SCARB1: variants seen among roughly 807,000 people sequenced by gnomAD.
SCARB1 encodes scavenger receptor class B member 1.
In SCARB1, 30 loss-of-function variants were observed where a neutral mutation model predicts 57.2. That is an observed-to-expected ratio of 0.52 (90% CI 0.39 to 0.71). The LOEUF (loss-of-function observed/expected upper bound fraction) is 0.71, where lower values mean the gene tolerates loss of function less well. Among genes scored for constraint, SCARB1 ranks in the 30% least tolerant of loss-of-function variants. The pLI is 0.00. For synonymous variants in SCARB1, 249 were observed against 268.3 expected (o/e 0.93, Z 0.70); for missense variants, 543 against 671.2 (o/e 0.81, Z 2.11).
In SCARB1 at chr12:124,786,363, C is replaced by G. The variant is rs760906735; in HGVS notation, c.1395G>C (p.Arg465=). The G allele has an allele frequency of 1.9e-6, 3 of 1,613,930 alleles. No homozygotes were observed. Among genetic ancestry groups the G allele is most frequent in the Admixed American group, 1.7e-5 (1 of 60,026 alleles). Residue 465 remains arginine (R), a synonymous_variant, in exon 11 of 13, where the codon CGG becomes CGC. Transcript: ENST00000261693. ...CCCTCTGGCCAGCACCTACTTGGCT[C>G]CGGATTTGGCAGATGACAGGGACCA... ...LLLVPVICQI[R]SQEKCYLFWS... is the part of the protein sequence containing the mutation.
At chr12:124,845,562 G>T (rs1253856923) in intron 1 of SCARB1, among the ~76,000 whole-genome samples, 2 of 145,516 alleles carry the variant, frequency 1.4e-5, no homozygotes, top group Non-Finnish European at 3.0e-5. Flanking sequence ...AAAATTAGCC[G>T]GGCGTGGTGG....
intron 12 of SCARB1, among the ~76,000 whole-genome samples, chr12:124,780,864 T>TGACCAGCCCCC (rs1163734617): frequency 9.9e-5 from 15 of 152,072 alleles, no homozygotes; most frequent in Admixed American, 3.3e-4. Flanking sequence ...GACCAGCCCC[T>TGACCAGCCCCC]GACCAGCCCC....
intron 1 of SCARB1, among the ~76,000 whole-genome samples, chr12:124,853,767 A>C (rs1026618438): frequency 5.9e-5 from 9 of 152,136 alleles, no homozygotes; most frequent in African/African-American, 2.2e-4. Context: ...AAATCAGCAG[A>C]GCAAACAGCC....
intron 1 of SCARB1, among the ~76,000 whole-genome samples, chr12:124,859,074 G>T (rs1225421136): frequency 6.6e-6 from 1 of 151,848 alleles, no homozygotes; most frequent in Non-Finnish European, 1.5e-5. Flanking sequence ...GTAGAGATGG[G>T]GGTCTCACTA....
Position 124,800,545 on chromosome 12 carries a change from G to A in SCARB1, c.1010-303C>T, listed in dbSNP as rs1950093227. Among the ~76,000 whole-genome samples, 1 of 152,246 alleles carries A rather than the reference G, an allele frequency of 6.6e-6. No homozygotes were observed. Among genetic ancestry groups the A allele is most frequent in the Non-Finnish European group, 1.5e-5 (1 of 68,044 alleles). On this transcript the variant is annotated intron_variant, in intron 7 of 12. Transcript: ENST00000261693. The surrounding 1 kb of genome is among the most constrained non-coding windows in gnomAD (Gnocchi z 4.8). ...ATGCCCGGGAAGCGCATTCCAGGTGGAAGGGAAGGCAGAAGCAAGCGTGGG... is the reference window on the plus strand; with the variant it reads ...ATGCCCGGGAAGCGCATTCCAGGTGAAAGGGAAGGCAGAAGCAAGCGTGGG...
intron 1 of SCARB1, among the ~76,000 whole-genome samples, chr12:124,852,085 C>T (rs1952429747): frequency 6.6e-6 from 1 of 152,100 alleles, no homozygotes; most frequent in South Asian, 2.1e-4. Flanking sequence ...CAGGAGGTGG[C>T]CCCAGAAACA....
Position 124,812,536 on chromosome 12 carries a change from G to A in SCARB1, c.631-571C>T, listed in dbSNP as rs1350913186. 6.6e-6 allele frequency among the ~76,000 whole-genome samples: 1 copy of A among 152,176 alleles called. No homozygotes were observed. The highest frequency in any genetic ancestry group is 1.5e-5 in the Non-Finnish European group (1 of 68,038). On this transcript the variant is annotated intron_variant, in intron 4 of 12. Transcript: ENST00000261693. This position sits in a 1 kb window ranked among gnomAD's most constrained non-coding sequence, Gnocchi z 4.3. ...TTGTTCTAAGCCATGGAGATTCCGG[G>A]GCTGCTTGTCACAGCAGCAAAACCT...
At position 124,810,388 on chromosome 12, in the gene SCARB1, G is replaced by A. The variant is rs562516406; in HGVS notation, c.727-99C>T. 4.9e-5 allele frequency: 40 copies of A among 816,968 alleles called. No individual in the cohort carries two copies. The highest frequency in any genetic ancestry group is 7.6e-5 in the East Asian group (3 of 39,616). The allele number at this position is 816,968 out of a possible 1,614,324, so 50.6% of individuals were successfully genotyped here. On this transcript the variant is annotated intron_variant, in intron 5 of 12. Coordinates refer to ENST00000261693, the MANE Select transcript of SCARB1 (RefSeq NM_005505.5). The surrounding 1 kb of genome is among the most constrained non-coding windows in gnomAD (Gnocchi z 4.0). ...ACCTAACTCACCCTGGTGCACGCAC[G>A]GCCACTCAATTCCCAATACTGGCAC...
Position 124,863,592 on chromosome 12 carries a change from C to CACCTTAAGG in SCARB1, c.120_126+2dup. On this transcript the variant is annotated splice_region_variant and intron_variant, in intron 1 of 12. Coordinates refer to ENST00000261693, the MANE Select transcript of SCARB1 (RefSeq NM_005505.5). ...CGGACCCCCTGGGGTCTCCCTCACC[C>CACCTTAAGG]ACCTTAAGGACCTGCTGCTTGATGA... 6.2e-7 allele frequency: 1 copy of CACCTTAAGG among 1,602,836 alleles called. No individual in the cohort carries two copies. Among genetic ancestry groups the CACCTTAAGG allele is most frequent in the Non-Finnish European group, 8.5e-7 (1 of 1,174,816 alleles).
intron 9 of SCARB1, among the ~76,000 whole-genome samples, chr12:124,792,590 C>T (rs1457603560): frequency 2.0e-5 from 3 of 151,812 alleles, no homozygotes; most frequent in South Asian, 2.1e-4. Context: ...GGTGTACTAG[C>T]GAGCGCCTGT....
At chr12:124,837,910 A>G (rs1594352449) in intron 1 of SCARB1, among the ~76,000 whole-genome samples, 1 of 152,230 alleles carries the variant, frequency 6.6e-6, no homozygotes, top group Admixed American at 6.5e-5. Context: ...TCCAAAAAAT[A>G]TGTTAAAAAT....
intron 11 of SCARB1, chr12:124,786,013 T>G (rs1316515227): frequency 2.0e-6 from 3 of 1,464,026 alleles, no homozygotes; most frequent in African/African-American, 2.8e-5. Context: ...TCTACTGCTG[T>G]ACGTCCCCTC....
rs1282406273 is a variant in SCARB1 at position 124,807,182 on chromosome 12, CA to C, written c.1009+578del. Among the ~76,000 whole-genome samples, 5 of 152,102 alleles carry C rather than the reference CA, an allele frequency of 3.3e-5. No individual in the cohort carries two copies. The highest frequency in any genetic ancestry group is 1.2e-4 in the African/African-American group (5 of 41,404). ...CGCCACTGCACTCCAACCTGGGTAACAGAGTGAGAGTCTGTCTCAAAAAAAA... is the reference window on the plus strand; with the variant it reads ...CGCCACTGCACTCCAACCTGGGTAACGAGTGAGAGTCTGTCTCAAAAAAAA... On this transcript the variant is annotated intron_variant, in intron 7 of 12. Coordinates refer to ENST00000261693, the MANE Select transcript of SCARB1 (RefSeq NM_005505.5). The surrounding 1 kb of genome is among the most constrained non-coding windows in gnomAD (Gnocchi z 5.3).
intron 1 of SCARB1, among the ~76,000 whole-genome samples, chr12:124,851,579 T>G (rs78354477): frequency 6.6e-6 from 1 of 151,304 alleles, no homozygotes; most frequent in Non-Finnish European, 1.5e-5. Flanking sequence ...GTCCTGCTAA[T>G]GAGAACAAAG....
At chr12:124,813,473 G>A (rs1326541160) in intron 4 of SCARB1, among the ~76,000 whole-genome samples, 2 of 152,158 alleles carry the variant, frequency 1.3e-5, no homozygotes, top group African/African-American at 2.4e-5. Flanking sequence ...ACAGCCTACC[G>A]CTAGACTTTT....
rs138915977 is a variant in SCARB1, at chr12:124,802,427, C to G, written c.1010-2185G>C. ...TTGGACCTTCTGAAGCCATCCCAAGCACCCGCAGGGACAGTGTCCTCCACA... is the reference window on the plus strand; with the variant it reads ...TTGGACCTTCTGAAGCCATCCCAAGGACCCGCAGGGACAGTGTCCTCCACA... On this transcript the variant is annotated intron_variant, in intron 7 of 12. Coordinates refer to ENST00000261693, the MANE Select transcript of SCARB1 (RefSeq NM_005505.5). 2.7e-3 allele frequency among the ~76,000 whole-genome samples: 407 copies of G among 152,186 alleles called. 2 individuals are homozygous for G. Among genetic ancestry groups the G allele is most frequent in the African/African-American group, 9.3e-3 (387 of 41,528 alleles).
At chr12:124,837,476 G>A (rs147465843) in intron 1 of SCARB1, among the ~76,000 whole-genome samples, 25 of 29,542 alleles carry the variant, frequency 8.5e-4, no homozygotes, top group Middle Eastern at 0.033. Context: ...AGAAAGAAAG[G>A]AAGGAAGGAA....
intron 1 of SCARB1, among the ~76,000 whole-genome samples, chr12:124,851,281 C>A (rs917226918): frequency 6.6e-6 from 1 of 152,102 alleles, no homozygotes; most frequent in African/African-American, 2.4e-5. Context: ...GAGACTGGGG[C>A]GTACATATAA....
In SCARB1 at chr12:124,780,575, C is replaced by A. The variant is rs545128506; in HGVS notation, c.*1-1989G>T. On this transcript the variant is annotated intron_variant, in intron 12 of 12. Transcript: ENST00000261693. Reference sequence around the variant, plus strand: ...CAAGCTGCAGCCAGCCACTGGAGGACACTGCATTCCCCGTTTCACATGCCT... The same window carrying A: ...CAAGCTGCAGCCAGCCACTGGAGGAAACTGCATTCCCCGTTTCACATGCCT... Among the ~76,000 whole-genome samples, 3 of 152,358 alleles carry A rather than the reference C, an allele frequency of 2.0e-5. No individual in the cohort carries two copies. The East Asian group carries it at 5.8e-4, about 29-fold the overall frequency.
Sources: gnomAD v4.1 joint callset for allele counts (sites outside exome capture counted in the v4.1 genomes callset) on GRCh38, gnomAD v4.1.1 for gene constraint, Gnocchi (gnomAD v3.1) non-coding constraint, MANE v1.5 for transcripts, NCBI Gene and HGNC (gene_info 2026-07-23, HGNC 2026-07-21) for gene names.